MAPK8IP3: variants seen among roughly 807,000 people sequenced by gnomAD.
MAPK8IP3 encodes C-Jun-amino-terminal kinase-interacting protein 3.
A neutral mutation model predicts 157.8 loss-of-function variants in MAPK8IP3; 49 were observed. That is an observed-to-expected ratio of 0.31 (90% CI 0.25 to 0.39). The LOEUF (loss-of-function observed/expected upper bound fraction) is 0.39. Ranked by LOEUF, MAPK8IP3 falls within the 10% of genes least tolerant of loss-of-function variation. The pLI is 1.00. For missense variants in MAPK8IP3, 1,478 were observed against 1,889.4 expected, an observed-to-expected ratio of 0.78 and a Z score of 4.04; for synonymous variants, 897 against 777.7, an observed-to-expected ratio of 1.15 and a Z score of -2.55.
chr16:1,743,823 C>G lies in MAPK8IP3; in HGVS notation c.747+347C>G, dbSNP rs2040818148. ...CTCAAACCACACCCCCACATAAAGC[C>G]TCATGCTCACCCGGGCTCCAGCCAG... On this transcript the variant is annotated intron_variant, in intron 5 of 31. Coordinates refer to ENST00000610761, the MANE Select transcript of MAPK8IP3 (RefSeq NM_001318852.2). The surrounding 1 kb of genome is among the most constrained non-coding windows in gnomAD (Gnocchi z 5.6). 12 of 1,166,182 alleles carry G rather than the reference C, an allele frequency of 1.0e-5. No individual in the cohort carries two copies. Among genetic ancestry groups the G allele is most frequent in the Non-Finnish European group, 1.3e-5 (12 of 942,332 alleles). 72.2% of individuals were successfully genotyped at this position (1,166,182 alleles called of 1,614,324 possible).
chr16:1,738,344 G>T (rs1374322631), intron 4 of MAPK8IP3, among the ~76,000 whole-genome samples: 1 of 97,964 alleles, frequency 1.0e-5, no homozygotes, highest in African/African-American at 4.2e-5. Context: ...GTGACCGTCC[G>T]TGTGTGTGAC....
rs190316360 is a variant in MAPK8IP3, at chr16:1,767,701, C to G, written c.3375C>G (p.Asp1125Glu). 6.2e-7 allele frequency: 1 copy of G among 1,612,770 alleles called. No homozygotes were observed. Among genetic ancestry groups the G allele is most frequent in the Non-Finnish European group, 8.5e-7 (1 of 1,179,950 alleles). Residue 1125 changes from aspartate (D) to glutamate (E), a missense_variant, in exon 27 of 32, where the codon GAC (aspartate) becomes GAG (glutamate). By Grantham distance (45) the Asp-to-Glu change is conservative (BLOSUM62 2). This residue lies in a region of MAPK8IP3 where 68 missense variants were observed against 125.1 expected (regional missense o/e 0.54). Coordinates refer to ENST00000610761, the MANE Select transcript of MAPK8IP3 (RefSeq NM_001318852.2). Reference sequence around the variant, plus strand: ...CACACACGCACCAGCATCTACAGGACGTGGACATTGAGCCCTACGTCAGCA... The same window carrying G: ...CACACACGCACCAGCATCTACAGGAGGTGGACATTGAGCCCTACGTCAGCA... ...YHAHTHQHLQ[D>E]VDIEPYVSKM...
chr16:1,721,161 A>G (rs150025981), intron 1 of MAPK8IP3, among the ~76,000 whole-genome samples: 1 of 148,554 alleles, frequency 6.7e-6, no homozygotes, highest in African/African-American at 2.5e-5. Flanking sequence ...AACATGGAAA[A>G]CACCATCTCT....
intron 6 of MAPK8IP3, 88 bp from the exon 7 acceptor site, chr16:1,748,156 C>A: frequency 1.0e-6 from 1 of 977,714 alleles, no homozygotes; most frequent in South Asian, 1.3e-5. Flanking sequence ...CTCCAGCCCA[C>A]CAGACTCAGG....
In MAPK8IP3 at chr16:1,752,440, T is replaced by C. The variant is rs938549156; in HGVS notation, c.1216+3720T>C. 3 of 337,094 alleles carry C rather than the reference T, an allele frequency of 8.9e-6. No homozygotes were observed. The Admixed American group carries it at 1.2e-4, about 13-fold the overall frequency. The allele number at this position is 337,094 out of a possible 1,614,324, so 20.9% of individuals were successfully genotyped here. A position where few individuals can be genotyped will look rare whatever the true frequency, so the allele number is the denominator to read the frequency against. Reference sequence around the variant, plus strand: ...TGCCTTTCCAGAGCCTTAAACGTAATGCGTATAAGAAAGGCAGGGAGGCCA... The same window carrying C: ...TGCCTTTCCAGAGCCTTAAACGTAACGCGTATAAGAAAGGCAGGGAGGCCA... On this transcript the variant is annotated intron_variant, in intron 8 of 31. Transcript: ENST00000610761.
intron 8 of MAPK8IP3, among the ~76,000 whole-genome samples, chr16:1,753,642 C>T (rs1018868423): frequency 3.0e-4 from 46 of 151,292 alleles, no homozygotes; most frequent in African/African-American, 1.1e-3. Flanking sequence ...GGGGTTTCAC[C>T]ATGTTAGCCA....
At chr16:1,717,858 C>CT (rs36008436) in intron 1 of MAPK8IP3, among the ~76,000 whole-genome samples, 20,368 of 147,692 alleles carry the variant, frequency 0.14, 2,127 homozygotes, top group African/African-American at 0.3. Flanking sequence ...TCTTGGTTCT[C>CT]TTTTTTTTTT....
intron 1 of MAPK8IP3, chr16:1,713,483 T>C (rs570369869): frequency 1.6e-4 from 24 of 152,336 alleles, no homozygotes; most frequent in African/African-American, 5.3e-4. Context: ...CAAGGGCAGA[T>C]GGTGAGTTAC....
At chr16:1,713,982 G>A (rs941826828) in intron 1 of MAPK8IP3, 13 of 152,168 alleles carry the variant, frequency 8.5e-5, no homozygotes, top group Non-Finnish European at 1.8e-4. Context: ...TGCCCCACCT[G>A]TCCCCAGGTA....
At chr16:1,725,499 C>T (rs909724566) in intron 2 of MAPK8IP3, among the ~76,000 whole-genome samples, 3 of 151,318 alleles carry the variant, frequency 2.0e-5, no homozygotes, top group Non-Finnish European at 2.9e-5. Flanking sequence ...TGGTGGCGGG[C>T]GCCTGTAGTC....
intron 4 of MAPK8IP3, among the ~76,000 whole-genome samples, chr16:1,734,780 C>G (rs2039550057): frequency 6.6e-6 from 1 of 152,270 alleles, no homozygotes; most frequent in Admixed American, 6.5e-5. Flanking sequence ...CAGCCAAAAC[C>G]CCTTGATTCA....
intron 25 of MAPK8IP3, 32 bp from the exon 26 acceptor site, chr16:1,767,107 GGGCCTGGCCA>G: frequency 6.2e-7 from 1 of 1,607,022 alleles, no homozygotes; most frequent in Non-Finnish European, 8.5e-7. Context: ...AGCAGAGGTG[GGGCCTGGCCA>G]GGCCTGAGCA....
At position 1,766,371 on chromosome 16, in the gene MAPK8IP3, C is replaced by T. The variant is rs781782619; in HGVS notation, c.2781C>T (p.Asp927=). 3 of 1,612,468 alleles carry T rather than the reference C, an allele frequency of 1.9e-6. No individual in the cohort carries two copies. The highest frequency in any genetic ancestry group is 2.5e-6 in the Non-Finnish European group (3 of 1,179,876). ...CTCTCACAGAGCACGTCTTCACTGA[C>T]CCAGCCCCGACCCCGTCCTCTGGCC... ...PGPLTEHVFT[D]PAPTPSSGPQ... is the part of the protein sequence containing the mutation. The change falls in exon 22 of 32, where the codon GAC becomes GAT. Residue 927 remains aspartate (D), a synonymous_variant. Transcript: ENST00000610761.
In MAPK8IP3 at chr16:1,729,183, A is replaced by G. The variant is rs200346625; in HGVS notation, c.485A>G (p.Asn162Ser). 6.2e-7 allele frequency: 1 copy of G among 1,614,016 alleles called. No homozygotes were observed. Among genetic ancestry groups the G allele is most frequent in the South Asian group, 1.1e-5 (1 of 91,088 alleles). Residue 162 changes from asparagine (N) to serine (S), a missense_variant, in exon 3 of 32, where the codon AAT becomes AGT. Coordinates refer to ENST00000610761, the MANE Select transcript of MAPK8IP3 (RefSeq NM_001318852.2). Reference protein sequence around the residue: ...ERESEMKKEYNALHQRHTEMI... With the variant: ...ERESEMKKEYSALHQRHTEMI... Reference sequence around the variant, plus strand: ...GAGTCGGAGATGAAGAAGGAGTACAATGCCCTGCACCAGCGGCACACAGAG... The same window carrying G: ...GAGTCGGAGATGAAGAAGGAGTACAGTGCCCTGCACCAGCGGCACACAGAG...
At chr16:1,737,911 CGT>C (rs1234562238) in intron 4 of MAPK8IP3, among the ~76,000 whole-genome samples, 8 of 54,226 alleles carry the variant, frequency 1.5e-4, no homozygotes, top group Non-Finnish European at 9.9e-5. Flanking sequence ...TGTGACCGTC[CGT>C]GTGTGTGACC....
In MAPK8IP3 at chr16:1,762,983, G is replaced by A; in HGVS notation, c.1875G>A (p.Arg625=). 6.2e-7 allele frequency: 1 copy of A among 1,612,852 alleles called. No homozygotes were observed. Among genetic ancestry groups the A allele is most frequent in the South Asian group, 1.1e-5 (1 of 91,086 alleles). The change falls in exon 16 of 32, where the codon CGG becomes CGA. Residue 625 remains arginine, a synonymous_variant. Transcript: ENST00000610761. The part of the protein sequence containing the change: ...HAMCPISAGS[R]PLEFFPDDDC... ...TGTGCCCGATCTCGGCAGGCAGCCGGCCCCTGGAATTCTTCCCTGACGAGT... is the reference window on the plus strand; with the variant it reads ...TGTGCCCGATCTCGGCAGGCAGCCGACCCCTGGAATTCTTCCCTGACGAGT...
intron 4 of MAPK8IP3, among the ~76,000 whole-genome samples, chr16:1,738,607 A>G (rs2040284987): frequency 2.5e-5 from 3 of 121,618 alleles, no homozygotes; most frequent in African/African-American, 6.7e-5. Flanking sequence ...CATCTGTGTG[A>G]CCGTCCGTGT....
chr16:1,743,344 C>G lies in MAPK8IP3; in HGVS notation c.615C>G (p.Arg205=). The change falls in exon 5 of 32, where the codon CGC becomes CGG. Residue 205 remains arginine (R), a synonymous_variant. Transcript: ENST00000610761. This position sits in a 1 kb window ranked among gnomAD's most constrained non-coding sequence, Gnocchi z 5.6. ...SSLPGRSRKE[R]PTSLNVFPLA... ...CCCCCCATTTCAGCAGGAAGGAGCG[C>G]CCCACCTCCCTGAACGTGTTCCCCC... The G allele has an allele frequency of 6.4e-7, 1 of 1,563,946 alleles. No homozygotes were observed. The highest frequency in any genetic ancestry group is 8.6e-7 in the Non-Finnish European group (1 of 1,159,954).
intron 1 of MAPK8IP3, among the ~76,000 whole-genome samples, chr16:1,708,824 C>A (rs1036256355): frequency 2.0e-5 from 3 of 152,158 alleles, no homozygotes; most frequent in African/African-American, 7.2e-5. Flanking sequence ...CAGGGCTTTA[C>A]AACTAAGGAA....
Sources: allele counts gnomAD v4.1 joint callset (sites outside exome capture counted in the v4.1 genomes callset), GRCh38; gene constraint gnomAD v4.1.1; regional missense constraint gnomAD v4.1.1; non-coding constraint Gnocchi (gnomAD v3.1); transcripts MANE v1.5; gene names NCBI Gene and HGNC (gene_info 2026-07-23, HGNC 2026-07-21).